Variants in ZNF257 observed in about 807,000 individuals in gnomAD.
The protein encoded by ZNF257 is zinc finger protein 257.
Under a neutral mutation model 11.9 loss-of-function variants are expected in ZNF257, and 12 were observed. The observed-to-expected ratio is 1.01, with a 90% CI of 0.65 to 1.63. The LOEUF is 1.63. Among genes scored for constraint, ZNF257 ranks in the 40% most tolerant of loss-of-function variants. The pLI is 0.00. For synonymous variants in ZNF257, 183 were observed against 222.7 expected, an observed-to-expected ratio of 0.82 and a Z score of 1.59; for missense variants, 580 against 665.5, an observed-to-expected ratio of 0.87 and a Z score of 1.41.
intron 3 of ZNF257, among the ~76,000 whole-genome samples, chr19:22,086,967 TG>T (rs2022490067): frequency 6.6e-6 from 1 of 151,962 alleles, no homozygotes; most frequent in African/African-American, 2.4e-5. Context: ...CTTTTAGAAT[TG>T]GTTAATTATC....
chr19:22,061,780 A>C (rs1030646626), intron 1 of ZNF257, among the ~76,000 whole-genome samples: 3 of 152,160 alleles, frequency 2.0e-5, no homozygotes, highest in Non-Finnish European at 4.4e-5. Flanking sequence ...GGTCTGTCAT[A>C]AATAATTCAT....
chr19:22,066,691 G>T (rs966446897), intron 1 of ZNF257, among the ~76,000 whole-genome samples: 2 of 152,208 alleles, frequency 1.3e-5, no homozygotes, highest in African/African-American at 4.8e-5. Context: ...ACTGCCTTTT[G>T]TCATGAAGAT....
chr19:22,055,283 T>C (rs1032392543), intron 1 of ZNF257, among the ~76,000 whole-genome samples: 1 of 152,154 alleles, frequency 6.6e-6, no homozygotes, highest in African/African-American at 2.4e-5. Flanking sequence ...CTTGGCTCAC[T>C]GCAACCTATG....
intron 1 of ZNF257, among the ~76,000 whole-genome samples, chr19:22,070,031 A>G (rs1349428488): frequency 1.3e-5 from 2 of 152,098 alleles, no homozygotes; most frequent in Non-Finnish European, 2.9e-5. Context: ...TTGATTTAAT[A>G]AGATCAGAGT....
chr19:22,086,340 C>T lies in ZNF257; in HGVS notation c.227-1637C>T, dbSNP rs141317016. On this transcript the variant is annotated intron_variant, in intron 3 of 3. Transcript: ENST00000594947. ...AATTTTTCCTCATTACATCTGCCCTCGACTTTGTTATTGATATTGCTGATT... is the reference window on the plus strand; with the variant it reads ...AATTTTTCCTCATTACATCTGCCCTTGACTTTGTTATTGATATTGCTGATT... Among the ~76,000 whole-genome samples the T allele has an allele frequency of 3.4e-3, 519 of 152,038 alleles. 4 individuals are homozygous for T. Among genetic ancestry groups the T allele is most frequent in the Middle Eastern group, 0.01 (3 of 294 alleles).
In ZNF257 at chr19:22,088,319, G is replaced by C. The variant is rs115518618; in HGVS notation, c.569G>C (p.Arg190Pro). Residue 190 changes from arginine to proline, a missense_variant, in exon 4 of 4, where the codon CGA becomes CCA. Arg to Pro is a moderately radical substitution (Grantham distance 103). Transcript: ENST00000594947. ...TTTTGCATGCTTTCACAACTAACTCGACATAAGAGAATTCATATTAGAGAG... is the reference window on the plus strand; with the variant it reads ...TTTTGCATGCTTTCACAACTAACTCCACATAAGAGAATTCATATTAGAGAG... ...KSFCMLSQLT[R>P]HKRIHIRENS... The C allele has an allele frequency of 6.2e-7, 1 of 1,613,414 alleles. No individual in the cohort carries two copies. The highest frequency in any genetic ancestry group is 8.5e-7 in the Non-Finnish European group (1 of 1,179,724).
In ZNF257 at chr19:22,088,095, G is replaced by T; in HGVS notation, c.345G>T (p.Lys115Asn). The T allele has an allele frequency of 1.3e-6, 2 of 1,528,496 alleles. No individual in the cohort carries two copies. Among genetic ancestry groups the T allele is most frequent in the Non-Finnish European group, 1.8e-6 (2 of 1,137,476 alleles). 94.7% of individuals were successfully genotyped at this position (1,528,496 alleles called of 1,614,324 possible). A position where few individuals can be genotyped will look rare whatever the true frequency, so the allele number is the denominator to read the frequency against. The change falls in exon 4 of 4, where the codon AAG becomes AAT. Residue 115 changes from lysine to asparagine, a missense_variant. Coordinates refer to ENST00000594947, the MANE Select transcript of ZNF257 (RefSeq NM_033468.4). ...AACATGAGAATTTACAATTAAGAAA[G>T]GGCTGTAAAAGTGTGGATGAGTGTA... ...KCEHENLQLR[K>N]GCKSVDECKV... is the part of the protein sequence containing the mutation.
intron 3 of ZNF257, among the ~76,000 whole-genome samples, chr19:22,073,959 A>G (rs999551629): frequency 7.9e-5 from 12 of 152,244 alleles, no homozygotes; most frequent in South Asian, 2.1e-4. Context: ...TGAATAGAGT[A>G]GTGGTTTCTG....
At chr19:22,087,399 TC>T in intron 3 of ZNF257, 1 of 403,384 alleles carries the variant, frequency 2.5e-6, no homozygotes, top group Non-Finnish European at 4.3e-6. Flanking sequence ...TATTTGCACT[TC>T]TTCCTAGTTA....
At chr19:22,057,136 C>T (rs955999510) in intron 1 of ZNF257, among the ~76,000 whole-genome samples, 4 of 152,088 alleles carry the variant, frequency 2.6e-5, no homozygotes, top group Non-Finnish European at 5.9e-5. Flanking sequence ...TTTAATGAAA[C>T]TAATACAATA....
intron 3 of ZNF257, among the ~76,000 whole-genome samples, chr19:22,081,048 T>G (rs948964859): frequency 6.6e-6 from 1 of 151,754 alleles, no homozygotes; most frequent in African/African-American, 2.4e-5. Context: ...TCGGCTAATT[T>G]TTGTATTTTT....
At chr19:22,076,303 A>G (rs10405203) in intron 3 of ZNF257, among the ~76,000 whole-genome samples, 7,224 of 150,122 alleles carry the variant, frequency 0.048, 620 homozygotes, top group African/African-American at 0.17. Flanking sequence ...TAATAAATAC[A>G]TATATTAATT....
chr19:22,068,156 C>CTT (rs758701719), intron 1 of ZNF257, among the ~76,000 whole-genome samples: 90 of 121,230 alleles, frequency 7.4e-4, no homozygotes, highest in African/African-American at 2.5e-3. Flanking sequence ...CTCTGTCCCT[C>CTT]TTTTTTTTTT....
At chr19:22,055,664 T>C (rs533512407) in intron 1 of ZNF257, among the ~76,000 whole-genome samples, 115 of 152,196 alleles carry the variant, frequency 7.6e-4, no homozygotes, top group Non-Finnish European at 1.5e-3. Context: ...GAGAGCAGGA[T>C]GGGGTGGGAG....
intron 3 of ZNF257, among the ~76,000 whole-genome samples, chr19:22,083,102 T>G (rs1221736953): frequency 6.6e-6 from 1 of 152,188 alleles, no homozygotes; most frequent in Non-Finnish European, 1.5e-5. Flanking sequence ...TATTTGTGAA[T>G]CTTCCATATC....
Position 22,078,224 on chromosome 19 carries a change from G to A in ZNF257, c.226+4660G>A, listed in dbSNP as rs1311456856. On this transcript the variant is annotated intron_variant, in intron 3 of 3. Transcript: ENST00000594947. ...CTGCACTCCAGCCTGGGCAACAGAG[G>A]GAGACTCCAACTAAAAAAAAAAAAA... 5.1e-5 allele frequency among the ~76,000 whole-genome samples: 7 copies of A among 138,478 alleles called. No homozygotes were observed. In the South Asian group the frequency reaches 1.2e-3, roughly 25 times the overall value. The allele number at this position is 138,478 out of a possible 152,430, so 90.8% of individuals were successfully genotyped here.
At chr19:22,070,046 G>A (rs1346796101) in intron 1 of ZNF257, among the ~76,000 whole-genome samples, 4 of 151,744 alleles carry the variant, frequency 2.6e-5, no homozygotes, top group African/African-American at 9.7e-5. Flanking sequence ...CAGAGTTTTG[G>A]TTGGTGAAGC....
rs147837346 is a variant in ZNF257, at chr19:22,063,906, T to C, written c.4-8903T>C. On this transcript the variant is annotated intron_variant, in intron 1 of 3. Coordinates refer to ENST00000594947, the MANE Select transcript of ZNF257 (RefSeq NM_033468.4). Reference sequence around the variant, plus strand: ...GTGTCAAGTTTACATACTGTTATCTTTGTTTATTTTCTGTCTCAAGGATCT... The same window carrying C: ...GTGTCAAGTTTACATACTGTTATCTCTGTTTATTTTCTGTCTCAAGGATCT... Among the ~76,000 whole-genome samples the C allele has an allele frequency of 2.6e-5, 4 of 152,316 alleles. No homozygotes were observed. In the East Asian group the frequency reaches 7.7e-4, roughly 29 times the overall value.
chr19:22,085,727 T>C (rs1282529716), intron 3 of ZNF257, among the ~76,000 whole-genome samples: 1 of 151,746 alleles, frequency 6.6e-6, no homozygotes, highest in Non-Finnish European at 1.5e-5. Context: ...CAAACATGAG[T>C]ATATACAAAT....
Sources: allele counts gnomAD v4.1 joint callset (sites outside exome capture counted in the v4.1 genomes callset), GRCh38; gene constraint gnomAD v4.1.1; transcripts MANE v1.5; gene names NCBI Gene and HGNC (gene_info 2026-07-23, HGNC 2026-07-21).